Variants in BCAS3 observed in about 807,000 individuals in gnomAD.
The protein encoded by BCAS3 is BCAS3 microtubule associated cell migration factor, also known as BCAS4/BCAS3 fusion.
A neutral mutation model predicts 116.1 loss-of-function variants in BCAS3; 53 were observed. The ratio of observed to expected loss-of-function variants is 0.46; its 90% CI spans 0.37 to 0.57. BCAS3 has a LOEUF of 0.57. Ranked by LOEUF, BCAS3 falls within the 20% of genes least tolerant of loss-of-function variation. BCAS3 has a pLI of 0.00. For missense variants in BCAS3, 917 were observed against 1,165.4 expected (o/e 0.79, Z 3.10); for synonymous variants, 391 against 408.2 (o/e 0.96, Z 0.51).
At chr17:60,679,360 G>A (rs1219057986) in intron 1 of BCAS3, 93 bp from the exon 2 acceptor site, 2 of 835,226 alleles carry the variant, frequency 2.4e-6, no homozygotes, top group East Asian at 5.3e-5. Context: ...TTTGACAAGG[G>A]ATCTCTAGTG....
At position 61,130,311 on chromosome 17, in the gene BCAS3, T is replaced by C. The variant is rs1025687972; in HGVS notation, c.2425+45747T>C. Among the ~76,000 whole-genome samples the C allele has an allele frequency of 1.1e-4, 16 of 152,324 alleles. No individual in the cohort carries two copies. The highest frequency in any genetic ancestry group is 3.8e-4 in the African/African-American group (16 of 41,572). ...GCACCATAGAAACTGGCAAAATATC[T>C]TCCCAATTAATTATGAGAAATTCAT... On this transcript the variant is annotated intron_variant, in intron 22 of 23. Coordinates refer to ENST00000407086, the MANE Select transcript of BCAS3 (RefSeq NM_017679.5). This position sits in a 1 kb window ranked among gnomAD's most constrained non-coding sequence, Gnocchi z 5.0.
At position 61,006,688 on chromosome 17, in the gene BCAS3, C is replaced by G. The variant is rs1014463164; in HGVS notation, c.1487-9063C>G. ...AGGGATTTTTCATTAGGCTAAAACT[C>G]CACTTTTGAGCACTTAGTGTCAGTA... On this transcript the variant is annotated intron_variant, in intron 15 of 23. Transcript: ENST00000407086. Among the ~76,000 whole-genome samples, 18 of 151,938 alleles carry G rather than the reference C, an allele frequency of 1.2e-4. 1 individual carries two copies. The highest frequency in any genetic ancestry group is 4.1e-4 in the African/African-American group (17 of 41,392).
chr17:61,296,571 CCTCTTGCAGTTATTA>C (rs1479893609), intron 22 of BCAS3, among the ~76,000 whole-genome samples: 1 of 152,088 alleles, frequency 6.6e-6, no homozygotes, highest in Non-Finnish European at 1.5e-5. Context: ...CTTTCCTGTC[CCTCTTGCAGTTATTA>C]CTATGTTTTT....
chr17:61,196,763 CGTTTT>C lies in BCAS3; in HGVS notation c.2425+112200_2425+112204del, dbSNP rs2080504810. ...CTTGCATTTATCGGCATTCATGCTC[CGTTTT>C]TTCTGTTTATCATAGGGTCTAATAC... On this transcript the variant is annotated intron_variant, in intron 22 of 23. Transcript: ENST00000407086. The surrounding 1 kb of genome is among the most constrained non-coding windows in gnomAD (Gnocchi z 4.7). Among the ~76,000 whole-genome samples, 1 of 152,190 alleles carries C rather than the reference CGTTTT, an allele frequency of 6.6e-6. No homozygotes were observed. The highest frequency in any genetic ancestry group is 1.5e-5 in the Non-Finnish European group (1 of 68,026).
intron 14 of BCAS3, among the ~76,000 whole-genome samples, chr17:60,977,965 T>C (rs1293760663): frequency 7.0e-6 from 1 of 143,422 alleles, no homozygotes; most frequent in Non-Finnish European, 1.5e-5. Context: ...TAAAAATACA[T>C]GTGCATGTGT....
intron 9 of BCAS3, chr17:60,887,122 G>C (rs1372233443): frequency 6.5e-6 from 1 of 152,820 alleles, no homozygotes; most frequent in Non-Finnish European, 1.5e-5. Flanking sequence ...GACCCTCCGA[G>C]CCAGGTGTGG....
chr17:61,143,945 A>G (rs1488914549), intron 22 of BCAS3, among the ~76,000 whole-genome samples: 1 of 152,242 alleles, frequency 6.6e-6, no homozygotes, highest in Non-Finnish European at 1.5e-5. Context: ...GTGAAGCACC[A>G]AGTAGATGGT....
chr17:61,348,880 G>A lies in BCAS3; in HGVS notation c.2426-19447G>A, dbSNP rs2057666417. 6.6e-6 allele frequency among the ~76,000 whole-genome samples: 1 copy of A among 151,398 alleles called. No individual in the cohort carries two copies. The highest frequency in any genetic ancestry group is 2.1e-4 in the South Asian group (1 of 4,776). ...CCATTCTCCTGCCTCAGCTTCCCGA[G>A]TAGCTGGGACTACAGGCGCCCACCG... On this transcript the variant is annotated intron_variant, in intron 22 of 23. Coordinates refer to ENST00000407086, the MANE Select transcript of BCAS3 (RefSeq NM_017679.5). This position sits in a 1 kb window ranked among gnomAD's most constrained non-coding sequence, Gnocchi z 4.5.
rs113652124 is a variant in BCAS3, at chr17:61,040,852, T to C, written c.1989T>C (p.Ala663=). ...ATGCAAACCACCCTCTGCTCCTCGCTGCAGATGCAGTACAGTATTATCAGT... is the reference window on the plus strand; with the variant it reads ...ATGCAAACCACCCTCTGCTCCTCGCCGCAGATGCAGTACAGTATTATCAGT... ...PFNANHPLLL[A]ADAVQYYQFL... Residue 663 remains alanine (A), a synonymous_variant, in exon 19 of 24, where the codon GCT becomes GCC. Transcript: ENST00000407086. 7.4e-6 allele frequency: 12 copies of C among 1,614,046 alleles called. No individual in the cohort carries two copies. The African/African-American group carries it at 1.3e-4, about 18-fold the overall frequency.
chr17:61,307,315 GA>G lies in BCAS3; in HGVS notation c.2426-61010del, dbSNP rs2053929407. Reference sequence around the variant, plus strand: ...TGCCAGTTTTAATTTACTTTTTGGGGAACGAAAAAAACTACCTGTAATTTTT... The same window carrying G: ...TGCCAGTTTTAATTTACTTTTTGGGGACGAAAAAAACTACCTGTAATTTTT... On this transcript the variant is annotated intron_variant, in intron 22 of 23. Transcript: ENST00000407086. This position sits in a 1 kb window ranked among gnomAD's most constrained non-coding sequence, Gnocchi z 4.7. 6.6e-6 allele frequency among the ~76,000 whole-genome samples: 1 copy of G among 152,040 alleles called. No homozygotes were observed. Among genetic ancestry groups the G allele is most frequent in the Non-Finnish European group, 1.5e-5 (1 of 67,988 alleles).
Position 61,086,088 on chromosome 17 carries a change from A to T in BCAS3, c.2425+1524A>T, listed in dbSNP as rs115343465. 2.6e-3 allele frequency among the ~76,000 whole-genome samples: 401 copies of T among 151,928 alleles called. 3 individuals carry two copies. The highest frequency in any genetic ancestry group is 9.3e-3 in the African/African-American group (386 of 41,478). ...CTGAGGTAACACTCCATATATATAT[A>T]TTTATTTTTTATTTTTTTGAGACAG... On this transcript the variant is annotated intron_variant, in intron 22 of 23. Transcript: ENST00000407086.
intron 22 of BCAS3, among the ~76,000 whole-genome samples, chr17:61,274,007 G>T (rs1353643163): frequency 6.7e-6 from 1 of 149,362 alleles, no homozygotes; most frequent in Non-Finnish European, 1.5e-5. Context: ...TGTGCACAAC[G>T]TGCAGGTTTG....
intron 22 of BCAS3, among the ~76,000 whole-genome samples, chr17:61,191,780 AAAAAG>A (rs59158121): frequency 0.032 from 4,646 of 145,660 alleles, 247 homozygotes; most frequent in African/African-American, 0.11. Flanking sequence ...GTCTCAAAAA[AAAAAG>A]AAAAGAAAAG....
Position 61,279,298 on chromosome 17 carries a change from A to G in BCAS3, c.2426-89029A>G, listed in dbSNP as rs1013519516. On this transcript the variant is annotated intron_variant, in intron 22 of 23. Coordinates refer to ENST00000407086, the MANE Select transcript of BCAS3 (RefSeq NM_017679.5). The surrounding 1 kb of genome is among the most constrained non-coding windows in gnomAD (Gnocchi z 4.4). ...TTGTATGTTAGGTGAATTATATCTC[A>G]ATAAATCTTTTTTTTTTTAAGGCAG... is the stretch of plus-strand genomic sequence containing the variant. 1.3e-5 allele frequency among the ~76,000 whole-genome samples: 2 copies of G among 152,152 alleles called. No individual in the cohort carries two copies. Among genetic ancestry groups the G allele is most frequent in the East Asian group, 3.9e-4 (2 of 5,180 alleles).
chr17:60,702,834 G>T (rs1199747397), intron 4 of BCAS3, among the ~76,000 whole-genome samples: 2 of 151,736 alleles, frequency 1.3e-5, no homozygotes, highest in African/African-American at 4.8e-5. Flanking sequence ...CAAGTGATCC[G>T]CCCACCTTCA....
At position 61,285,097 on chromosome 17, in the gene BCAS3, G is replaced by C. The variant is rs1418809779; in HGVS notation, c.2426-83230G>C. Among the ~76,000 whole-genome samples, 1 of 152,130 alleles carries C rather than the reference G, an allele frequency of 6.6e-6. No individual in the cohort carries two copies. The highest frequency in any genetic ancestry group is 1.5e-5 in the Non-Finnish European group (1 of 68,018). On this transcript the variant is annotated intron_variant, in intron 22 of 23. Coordinates refer to ENST00000407086, the MANE Select transcript of BCAS3 (RefSeq NM_017679.5). The surrounding 1 kb of genome is among the most constrained non-coding windows in gnomAD (Gnocchi z 5.4). ...TGATGCTAACCTCGGGGTCTCTTCT[G>C]TCCCCTAGTGATTCAAACCAGCTAT...
intron 22 of BCAS3, among the ~76,000 whole-genome samples, chr17:61,295,257 G>T (rs2052780569): frequency 6.6e-6 from 1 of 152,202 alleles, no homozygotes; most frequent in African/African-American, 2.4e-5. Flanking sequence ...GGGAGCCTGG[G>T]CAGCAACGCT....
In BCAS3 at chr17:61,243,436, T is replaced by C. The variant is rs538172061; in HGVS notation, c.2426-124891T>C. On this transcript the variant is annotated intron_variant, in intron 22 of 23. Coordinates refer to ENST00000407086, the MANE Select transcript of BCAS3 (RefSeq NM_017679.5). The surrounding 1 kb of genome is among the most constrained non-coding windows in gnomAD (Gnocchi z 5.6). The stretch of plus-strand genomic sequence containing the variant: ...TTGTGCATAATGCTACAGTGAACGT[T>C]CCATACAGTGAAGTGGAGATACCTC... Among the ~76,000 whole-genome samples the C allele has an allele frequency of 2.0e-5, 3 of 152,302 alleles. No individual in the cohort carries two copies. The highest frequency in any genetic ancestry group is 7.2e-5 in the African/African-American group (3 of 41,586).
At chr17:60,736,391 G>A (rs2040964962) in intron 5 of BCAS3, among the ~76,000 whole-genome samples, 1 of 150,744 alleles carries the variant, frequency 6.6e-6, no homozygotes, top group Non-Finnish European at 1.5e-5. Flanking sequence ...TCTCCATGTT[G>A]GCCAGGGTGG....
Sources: gnomAD v4.1 joint callset for allele counts (sites outside exome capture counted in the v4.1 genomes callset) on GRCh38, gnomAD v4.1.1 for gene constraint, Gnocchi (gnomAD v3.1) non-coding constraint, MANE v1.5 for transcripts, NCBI Gene and HGNC (gene_info 2026-07-23, HGNC 2026-07-21) for gene names.